Variants in ARB2A observed in about 807,000 individuals in gnomAD.
ARB2A encodes the protein cotranscriptional regulator ARB2A.
the ARB2A span, among the ~76,000 whole-genome samples, chr5:93,989,610 C>T: frequency 2.6e-5 from 4 of 152,120 alleles, no homozygotes; most frequent in African/African-American, 7.2e-5. Context: ...AAGGAAAAAA[C>T]GGTCTGATCC....
At chr5:93,762,688 G>A in the ARB2A span, among the ~76,000 whole-genome samples, 1 of 152,120 alleles carries the variant, frequency 6.6e-6, no homozygotes, top group Admixed American at 6.5e-5. Flanking sequence ...TCAAATTCAG[G>A]AAATACAGAG....
chr5:93,890,760 GA>G, the ARB2A span, among the ~76,000 whole-genome samples: 1 of 152,016 alleles, frequency 6.6e-6, no homozygotes, highest in Non-Finnish European at 1.5e-5. Flanking sequence ...GAAATGTCAA[GA>G]ATGTGAAGAG....
the ARB2A span, chr5:93,860,708 G>T: frequency 6.7e-6 from 1 of 149,144 alleles, no homozygotes; most frequent in South Asian, 2.1e-4. Flanking sequence ...AGGCTGGAGC[G>T]CAGTGGCACG....
chr5:93,929,534 T>C, the ARB2A span, among the ~76,000 whole-genome samples: 1 of 152,038 alleles, frequency 6.6e-6, no homozygotes, highest in Non-Finnish European at 1.5e-5. Flanking sequence ...TTATTCATGC[T>C]AGAGAAAAGT....
chr5:94,002,235 G>C, the ARB2A span, among the ~76,000 whole-genome samples: 1 of 151,878 alleles, frequency 6.6e-6, no homozygotes, highest in Non-Finnish European at 1.5e-5. Flanking sequence ...AAAACAGAAA[G>C]CTCTGGCATA....
the ARB2A span, among the ~76,000 whole-genome samples, chr5:93,707,605 C>T: frequency 1.4e-5 from 2 of 141,142 alleles, no homozygotes; most frequent in African/African-American, 5.3e-5. Flanking sequence ...GACGGAGTCT[C>T]ACACTGTCAC....
the ARB2A span, among the ~76,000 whole-genome samples, chr5:93,923,007 C>T: frequency 6.6e-6 from 1 of 152,004 alleles, no homozygotes; most frequent in Non-Finnish European, 1.5e-5. Flanking sequence ...TATACTGCCT[C>T]GTCTGGCTTC....
At chr5:93,762,990 C>G in the ARB2A span, among the ~76,000 whole-genome samples, 24 of 152,106 alleles carry the variant, frequency 1.6e-4, no homozygotes, top group Admixed American at 1.4e-3. Flanking sequence ...CCTTTACAGA[C>G]AAGCAAATGC....
At chr5:93,973,923 A>C in the ARB2A span, among the ~76,000 whole-genome samples, 1 of 152,234 alleles carries the variant, frequency 6.6e-6, no homozygotes, top group African/African-American at 2.4e-5. Flanking sequence ...GAAATGAAAG[A>C]ATGATACTTG....
At chr5:93,772,168 A>T in the ARB2A span, among the ~76,000 whole-genome samples, 1 of 152,334 alleles carries the variant, frequency 6.6e-6, no homozygotes, top group Middle Eastern at 3.4e-3. Flanking sequence ...GACATGGATG[A>T]AATTGGAAAT....
At chr5:93,774,770 G>A in the ARB2A span, among the ~76,000 whole-genome samples, 1 of 152,142 alleles carries the variant, frequency 6.6e-6, no homozygotes, top group Non-Finnish European at 1.5e-5. Flanking sequence ...TGCTGGCCAT[G>A]AGCTCAATGT....
At chr5:93,620,801 C>G in the ARB2A span, 1 of 658,446 alleles carries the variant, frequency 1.5e-6, no homozygotes, top group South Asian at 3.5e-5. Context: ...CCAGTGAACC[C>G]ATATTGCTTT....
At chr5:94,055,481 A>T in the ARB2A span, among the ~76,000 whole-genome samples, 1 of 152,176 alleles carries the variant, frequency 6.6e-6, no homozygotes, top group Non-Finnish European at 1.5e-5. Context: ...ATGCTTCATT[A>T]AAAGAACCAC....
At chr5:94,078,149 C>T in the ARB2A span, among the ~76,000 whole-genome samples, 222 of 152,222 alleles carry the variant, frequency 1.5e-3, 9 homozygotes, top group South Asian at 0.044. Flanking sequence ...ACTAGATATA[C>T]GTGATTTTGC....
chr5:93,880,875 C>T, the ARB2A span, among the ~76,000 whole-genome samples: 1 of 151,698 alleles, frequency 6.6e-6, no homozygotes, highest in Admixed American at 6.6e-5. Flanking sequence ...TATCCCTACA[C>T]TATTTTGGCT....
At chr5:93,734,466 T>TA in the ARB2A span, 1 of 152,202 alleles carries the variant, frequency 6.6e-6, no homozygotes, top group African/African-American at 2.4e-5. Flanking sequence ...TGATGAAGGC[T>TA]ATGAACCATC....
chr5:93,691,318 T>A, the ARB2A span, among the ~76,000 whole-genome samples: 30 of 151,720 alleles, frequency 2.0e-4, 1 homozygote, highest in African/African-American at 7.3e-4. Flanking sequence ...ATAAACAGTT[T>A]AGAGAAGAAC....
the ARB2A span, among the ~76,000 whole-genome samples, chr5:93,855,509 A>G: frequency 6.6e-6 from 1 of 152,124 alleles, no homozygotes; most frequent in African/African-American, 2.4e-5. Flanking sequence ...TTATGATGTT[A>G]GCTGGTTATT....
At chr5:93,887,672 G>A in the ARB2A span, among the ~76,000 whole-genome samples, 1 of 151,784 alleles carries the variant, frequency 6.6e-6, no homozygotes, top group Non-Finnish European at 1.5e-5. Context: ...ATAAATTCTT[G>A]AGTATGATAC....
Sources: gnomAD v4.1 joint callset for allele counts (sites outside exome capture counted in the v4.1 genomes callset) on GRCh38, gnomAD v4.1.1 for gene constraint, MANE v1.5 for transcripts, NCBI Gene and HGNC (gene_info 2026-07-23, HGNC 2026-07-21) for gene names.